CNOT7: variants seen among roughly 807,000 people sequenced by gnomAD.
CNOT7 encodes CCR4-NOT transcription complex subunit 7.
Under a neutral mutation model 37.1 loss-of-function variants are expected in CNOT7, and 4 were observed. That is an observed-to-expected ratio of 0.11 (90% CI 0.05 to 0.25). The LOEUF is 0.25. Among genes scored for constraint, CNOT7 ranks in the 10% least tolerant of loss-of-function variants. CNOT7 has a pLI of 1.00. For synonymous variants in CNOT7, 128 were observed against 115.6 expected (o/e 1.11, Z -0.69); for missense variants, 170 against 336.2 (o/e 0.51, Z 3.87).
intron 5 of CNOT7, among the ~76,000 whole-genome samples, chr8:17,232,830 C>T (rs2959607): frequency 0.72 from 109,117 of 151,960 alleles, 41,420 homozygotes; most frequent in Non-Finnish European, 0.87. Flanking sequence ...AAGCAGACCA[C>T]ATATAGGGTA....
At position 17,245,145 on chromosome 8, in the gene CNOT7, G is replaced by A. The variant is rs767567772; in HGVS notation, c.8C>T (p.Ala3Val). 5.0e-6 allele frequency: 8 copies of A among 1,611,608 alleles called. No homozygotes were observed. The Admixed American group carries it at 6.7e-5, about 13-fold the overall frequency. The change falls in exon 2 of 7, where the codon GCG (alanine) becomes GTG (valine). Residue 3 changes from alanine to valine, a missense_variant. Transcript: ENST00000361272. ...TCTTTGGCTATGATCTACAGTTGCC[G>A]CTGGCATAGTGAGGGCACAAGGGAG... Reference protein sequence around the residue: MPAATVDHSQRIC... With the variant: MPVATVDHSQRIC...
chr8:17,240,458 A>G (rs1203423990), intron 3 of CNOT7, among the ~76,000 whole-genome samples: 1 of 152,130 alleles, frequency 6.6e-6, no homozygotes, highest in Non-Finnish European at 1.5e-5. Flanking sequence ...AAAAGATTAG[A>G]CACCCCTAGT....
Position 17,230,867 on chromosome 8 carries a change from GA to G in CNOT7, c.730-20del, listed in dbSNP as rs568891241. On this transcript the variant is annotated intron_variant, in intron 6 of 6. Coordinates refer to ENST00000361272, the MANE Select transcript of CNOT7 (RefSeq NM_013354.7). ...AGAACATCTAAAAAGGAATTTTGAA[GA>G]AAAAAAAAAGATAATTTTAACCAAA... 6.9e-4 allele frequency: 962 copies of G among 1,386,706 alleles called. 1 individual carries two copies. Among genetic ancestry groups the G allele is most frequent in the South Asian group, 1.1e-3 (80 of 71,124 alleles). The allele number at this position is 1,386,706 out of a possible 1,614,324, so 85.9% of individuals were successfully genotyped here.
chr8:17,241,123 A>C (rs1473628609), intron 3 of CNOT7, among the ~76,000 whole-genome samples: 1 of 152,164 alleles, frequency 6.6e-6, no homozygotes, highest in South Asian at 2.1e-4. Context: ...GCTGGAGTGC[A>C]GTGGTGCAAT....
At chr8:17,246,540 GC>G (rs1375462985) in intron 1 of CNOT7, 134 bp downstream of exon 1, 4 of 151,216 alleles carry the variant, frequency 2.6e-5, no homozygotes, top group Non-Finnish European at 5.9e-5. Context: ...CCAACCCGCC[GC>G]CAGGCTCCTT....
intron 5 of CNOT7, among the ~76,000 whole-genome samples, chr8:17,233,464 C>A (rs1585787707): frequency 6.6e-6 from 1 of 152,284 alleles, no homozygotes; most frequent in South Asian, 2.1e-4. Context: ...TTGTCGTTAA[C>A]CTGAATTTTA....
intron 5 of CNOT7, among the ~76,000 whole-genome samples, chr8:17,233,380 G>C (rs546400603): frequency 6.6e-6 from 1 of 152,200 alleles, no homozygotes; most frequent in African/African-American, 2.4e-5. Context: ...ATTAGGTATC[G>C]TTAGCAGCTG....
chr8:17,230,541 TC>T lies in CNOT7; in HGVS notation c.*178del, dbSNP rs1326682104. 2.5e-6 allele frequency: 1 copy of T among 401,778 alleles called. No individual in the cohort carries two copies. 24.9% of individuals were successfully genotyped at this position (401,778 alleles called of 1,614,324 possible). On this transcript the variant is annotated 3_prime_UTR_variant, in exon 7 of 7. Coordinates refer to ENST00000361272, the MANE Select transcript of CNOT7 (RefSeq NM_013354.7). ...TTTAACCTGAATGCGTTTTTTTTTT[TC>T]TTTTTATTAAGATCTGAGATAGGAA...
chr8:17,236,249 A>G (rs1809344757), intron 4 of CNOT7, among the ~76,000 whole-genome samples: 1 of 152,220 alleles, frequency 6.6e-6, no homozygotes, highest in Non-Finnish European at 1.5e-5. Flanking sequence ...CTAAACATGC[A>G]GGAGACTCAG....
At chr8:17,244,041 A>C (rs1390014870) in intron 2 of CNOT7, among the ~76,000 whole-genome samples, 1 of 152,200 alleles carries the variant, frequency 6.6e-6, no homozygotes, top group African/African-American at 2.4e-5. Context: ...ATAGTAAAGA[A>C]ATCAATATTT....
At chr8:17,241,734 G>T (rs1387723878) in intron 3 of CNOT7, 1 of 152,126 alleles carries the variant, frequency 6.6e-6, no homozygotes, top group Non-Finnish European at 1.5e-5. Flanking sequence ...TAAGCCAAAA[G>T]ATGGATAACG....
At position 17,226,461 on chromosome 8, in the gene CNOT7, C is replaced by T. The variant is rs1482514064; in HGVS notation, c.*4259G>A. 6.6e-6 allele frequency: 1 copy of T among 151,678 alleles called. No homozygotes were observed. The highest frequency in any genetic ancestry group is 6.6e-5 in the Admixed American group (1 of 15,204). The allele number at this position is 151,678 out of a possible 1,614,324, so 9.4% of individuals were successfully genotyped here. A position where few individuals can be genotyped will look rare whatever the true frequency, so the allele number is the denominator to read the frequency against. ...TGATTTTAGTTAAGCATATTCATCACTTGTAAGGCATTTGTAGGATTCATC... is the reference window on the plus strand; with the variant it reads ...TGATTTTAGTTAAGCATATTCATCATTTGTAAGGCATTTGTAGGATTCATC... On this transcript the variant is annotated 3_prime_UTR_variant, in exon 7 of 7. Coordinates refer to ENST00000361272, the MANE Select transcript of CNOT7 (RefSeq NM_013354.7).
At chr8:17,244,465 G>A (rs540295655) in intron 2 of CNOT7, 1 of 151,838 alleles carries the variant, frequency 6.6e-6, no homozygotes, top group Admixed American at 6.6e-5. Context: ...GGCACTCATA[G>A]CCACGCCCTA....
intron 6 of CNOT7, among the ~76,000 whole-genome samples, chr8:17,231,168 A>C (rs534771766): frequency 6.6e-6 from 1 of 152,254 alleles, no homozygotes; most frequent in African/African-American, 2.4e-5. Context: ...AAGAATGAAG[A>C]AAGCCAATGA....
intron 3 of CNOT7, chr8:17,242,635 A>G (rs190944210): frequency 6.1e-6 from 1 of 163,672 alleles, no homozygotes; most frequent in African/African-American, 2.4e-5. Flanking sequence ...ATGCAACAAA[A>G]ATCTTCACAA....
In CNOT7 at chr8:17,225,522, C is replaced by A. The variant is rs780713489; in HGVS notation, c.*5198G>T. On this transcript the variant is annotated 3_prime_UTR_variant, in exon 7 of 7. Transcript: ENST00000361272. ...GAGAAATTGCTCAATTGCTTTTATA[C>A]TAAACGTTAAATGTAACTAATGCTG... 1 of 151,654 alleles carries A rather than the reference C, an allele frequency of 6.6e-6. No homozygotes were observed. The highest frequency in any genetic ancestry group is 2.4e-5 in the African/African-American group (1 of 41,380). The allele number at this position is 151,654 out of a possible 1,614,324, so 9.4% of individuals were successfully genotyped here. A position where few individuals can be genotyped will look rare whatever the true frequency, so the allele number is the denominator to read the frequency against.
rs1006791214 is a variant in CNOT7 at position 17,229,010 on chromosome 8, A to G, written c.*1710T>C. 1 of 151,990 alleles carries G rather than the reference A, an allele frequency of 6.6e-6. No homozygotes were observed. The highest frequency in any genetic ancestry group is 1.5e-5 in the Non-Finnish European group (1 of 67,876). The allele number at this position is 151,990 out of a possible 1,614,324, so 9.4% of individuals were successfully genotyped here. ...AAATGCATTCCTGGAAAGGAGAAAC[A>G]GAAGTCAGTCCTTAATTAGCTAGTT... On this transcript the variant is annotated 3_prime_UTR_variant, in exon 7 of 7. Coordinates refer to ENST00000361272, the MANE Select transcript of CNOT7 (RefSeq NM_013354.7).
Position 17,228,224 on chromosome 8 carries a change from A to C in CNOT7, c.*2496T>G, listed in dbSNP as rs1350014321. ...TTCTGGCTACGGGCCATAGTTTGAC[A>C]ACCCTTGCTCTAGTAGATTTAACAG... On this transcript the variant is annotated 3_prime_UTR_variant, in exon 7 of 7. Coordinates refer to ENST00000361272, the MANE Select transcript of CNOT7 (RefSeq NM_013354.7). 6.6e-6 allele frequency: 1 copy of C among 151,928 alleles called. No individual in the cohort carries two copies. Among genetic ancestry groups the C allele is most frequent in the Admixed American group, 6.6e-5 (1 of 15,230 alleles). 9.4% of individuals were successfully genotyped at this position (151,928 alleles called of 1,614,324 possible).
rs1423148480 is a variant in CNOT7 at position 17,227,005 on chromosome 8, G to A, written c.*3715C>T. 1 of 108,884 alleles carries A rather than the reference G, an allele frequency of 9.2e-6. No individual in the cohort carries two copies. Among genetic ancestry groups the A allele is most frequent in the Non-Finnish European group, 2.4e-5 (1 of 41,616 alleles). 6.7% of individuals were successfully genotyped at this position (108,884 alleles called of 1,614,324 possible). A position where few individuals can be genotyped will look rare whatever the true frequency, so the allele number is the denominator to read the frequency against. ...AATCAAATCAGGATATTCAGCTTCT[G>A]TTTCTCACAAAAAAAAAAAAATCAT... On this transcript the variant is annotated 3_prime_UTR_variant, in exon 7 of 7. Transcript: ENST00000361272.
Sources: gnomAD v4.1 joint callset for allele counts (sites outside exome capture counted in the v4.1 genomes callset) on GRCh38, gnomAD v4.1.1 for gene constraint, MANE v1.5 for transcripts, NCBI Gene and HGNC (gene_info 2026-07-23, HGNC 2026-07-21) for gene names.